The following NCAM1 variants were observed in gnomAD, a reference collection of about 807,000 sequenced individuals.
The protein encoded by NCAM1 is antigen recognized by monoclonal antibody 5.1H11.
NCAM1 carries 14 observed loss-of-function variants against 109.8 expected under a neutral mutation model. The observed-to-expected ratio is 0.13, with a 90% CI of 0.08 to 0.20. The LOEUF (loss-of-function observed/expected upper bound fraction) is 0.20, where lower values mean the gene tolerates loss of function less well. Among genes scored for constraint, NCAM1 ranks in the 10% least tolerant of loss-of-function variants. The pLI is 1.00. For synonymous variants in NCAM1, 418 were observed against 442.9 expected (o/e 0.94, Z 0.70); for missense variants, 774 against 1,109.9 (o/e 0.70, Z 4.30).
intron 17 of NCAM1, chr11:113,265,264 C>A (rs759583542): frequency 3.2e-6 from 2 of 625,490 alleles, no homozygotes; most frequent in Non-Finnish European, 4.0e-6. Context: ...CCTTTCCCTC[C>A]GCCTCTCATG....
At chr11:113,235,252 T>C in intron 14 of NCAM1, 88 bp downstream of exon 14, 1 of 1,609,204 alleles carries the variant, frequency 6.2e-7, no homozygotes, top group Non-Finnish European at 8.5e-7. Flanking sequence ...CATGTCATTG[T>C]TCAGACCACA....
chr11:113,038,091 T>C (rs1952951037), intron 1 of NCAM1, among the ~76,000 whole-genome samples: 1 of 152,168 alleles, frequency 6.6e-6, no homozygotes, highest in African/African-American at 2.4e-5. Flanking sequence ...ATCTTGTCAG[T>C]CCCTCCATCT....
At chr11:113,045,328 G>A (rs1213541201) in intron 1 of NCAM1, among the ~76,000 whole-genome samples, 1 of 144,144 alleles carries the variant, frequency 6.9e-6, no homozygotes, top group African/African-American at 2.5e-5. Context: ...GGATGGATGA[G>A]TCACGGCTGG....
intron 1 of NCAM1, among the ~76,000 whole-genome samples, chr11:113,137,810 A>G (rs893329719): frequency 6.6e-6 from 1 of 152,206 alleles, no homozygotes; most frequent in Non-Finnish European, 1.5e-5. Context: ...TTTTACATAC[A>G]TATATAGACA....
Position 113,232,247 on chromosome 11 carries a change from G to A in NCAM1, c.1318G>A (p.Ala440Thr), listed in dbSNP as rs1945032880. The A allele has an allele frequency of 6.2e-7, 1 of 1,613,776 alleles. No homozygotes were observed. Among genetic ancestry groups the A allele is most frequent in the Non-Finnish European group, 8.5e-7 (1 of 1,179,874 alleles). Residue 440 changes from alanine (A) to threonine (T), a missense_variant, in exon 11 of 20, where the codon GCC (alanine) becomes ACC (threonine). Ala to Thr is a moderately conservative substitution (Grantham distance 58). Coordinates refer to ENST00000316851, the MANE Select transcript of NCAM1 (RefSeq NM_181351.5). Reference protein sequence around the residue: ...NQVNITCEVFAYPSATISWFR... With the variant: ...NQVNITCEVFTYPSATISWFR... ...GGTGAACATCACCTGCGAGGTATTT[G>A]CCTATCCCAGTGCCACGATCTCATG...
chr11:112,969,495 A>G (rs1031957765), intron 1 of NCAM1, among the ~76,000 whole-genome samples: 6 of 152,028 alleles, frequency 3.9e-5, no homozygotes, highest in Non-Finnish European at 8.8e-5. Context: ...AGTGATGGGG[A>G]GGAAGGGCAC....
chr11:113,169,473 A>T (rs992803927), intron 1 of NCAM1, among the ~76,000 whole-genome samples: 1 of 152,188 alleles, frequency 6.6e-6, no homozygotes, highest in Non-Finnish European at 1.5e-5. Flanking sequence ...CACATAGGGG[A>T]AGAGATAATA....
intron 1 of NCAM1, among the ~76,000 whole-genome samples, chr11:113,148,826 G>A (rs181406094): frequency 2.0e-5 from 3 of 152,228 alleles, no homozygotes; most frequent in African/African-American, 7.2e-5. Flanking sequence ...CAAGGCAAGG[G>A]CTCCTCCCCT....
intron 1 of NCAM1, among the ~76,000 whole-genome samples, chr11:113,187,334 C>T (rs936921458): frequency 1.3e-5 from 2 of 152,120 alleles, no homozygotes; most frequent in Non-Finnish European, 2.9e-5. Flanking sequence ...GGCCTTTCCC[C>T]AAGGGTTCAG....
At position 113,009,312 on chromosome 11, in the gene NCAM1, G is replaced by GTTTTTTTGTTGTTGTT. The variant is rs1555073910; in HGVS notation, c.52+47655_52+47656insGTTGTTGTTTTTTTTT. ...GATTTAATTGGAAGGGTTTTTTCGGGTTTTTTTTTTTTTTTTTTTTTTTTT... is the reference window on the plus strand; with the variant it reads ...GATTTAATTGGAAGGGTTTTTTCGGGTTTTTTTGTTGTTGTTTTTTTTTTTTTTTTTTTTTTTTTTT... On this transcript the variant is annotated intron_variant, in intron 1 of 19. Coordinates refer to ENST00000316851, the MANE Select transcript of NCAM1 (RefSeq NM_181351.5). Among the ~76,000 whole-genome samples, 99 of 79,678 alleles carry GTTTTTTTGTTGTTGTT rather than the reference G, an allele frequency of 1.2e-3. 7 individuals carry two copies. Among genetic ancestry groups the GTTTTTTTGTTGTTGTT allele is most frequent in the Middle Eastern group, 7.8e-3 (1 of 128 alleles). The allele number at this position is 79,678 out of a possible 152,430, so 52.3% of individuals were successfully genotyped here. A position where few individuals can be genotyped will look rare whatever the true frequency, so the allele number is the denominator to read the frequency against.
intron 14 of NCAM1, among the ~76,000 whole-genome samples, chr11:113,239,602 T>G (rs1244276633): frequency 7.1e-6 from 1 of 140,986 alleles, no homozygotes; most frequent in African/African-American, 2.6e-5. Context: ...GCCTCCCGGG[T>G]TCACGCCATA....
chr11:112,980,772 T>C (rs1951133517), intron 1 of NCAM1, among the ~76,000 whole-genome samples: 1 of 151,906 alleles, frequency 6.6e-6, no homozygotes, highest in African/African-American at 2.4e-5. Context: ...TTTATTTTAA[T>C]CCTAGCACTT....
At chr11:113,176,715 GT>G (rs1185034114) in intron 1 of NCAM1, among the ~76,000 whole-genome samples, 2 of 151,798 alleles carry the variant, frequency 1.3e-5, no homozygotes, top group Non-Finnish European at 1.5e-5. Flanking sequence ...CTCATTGTTT[GT>G]TTTTTTCTGT....
At chr11:113,148,475 T>C (rs782403665) in intron 1 of NCAM1, among the ~76,000 whole-genome samples, 4 of 152,040 alleles carry the variant, frequency 2.6e-5, no homozygotes, top group Non-Finnish European at 5.9e-5. Context: ...TGGGTCTGAT[T>C]GTAAATTAGT....
chr11:113,267,420 G>A (rs1052846206), intron 17 of NCAM1, among the ~76,000 whole-genome samples: 7 of 151,604 alleles, frequency 4.6e-5, no homozygotes, highest in Non-Finnish European at 1.0e-4. Flanking sequence ...GTATTGGCTG[G>A]AGGTGCCACA....
intron 1 of NCAM1, among the ~76,000 whole-genome samples, chr11:113,079,080 C>T (rs1275589454): frequency 3.9e-5 from 6 of 152,054 alleles, no homozygotes; most frequent in Admixed American, 3.3e-4. Context: ...GGAGGGGCAC[C>T]CGTGGCCTCT....
At chr11:113,235,391 G>A (rs1945135392) in intron 14 of NCAM1, 3 of 920,174 alleles carry the variant, frequency 3.3e-6, no homozygotes, top group Admixed American at 3.4e-5. Context: ...TGTCCTAGTA[G>A]CCGGTCCAGC....
At chr11:113,027,128 T>C (rs1952570263) in intron 1 of NCAM1, among the ~76,000 whole-genome samples, 1 of 152,238 alleles carries the variant, frequency 6.6e-6, no homozygotes, top group Non-Finnish European at 1.5e-5. Context: ...TATGACTCAA[T>C]ATAATTCTCT....
At chr11:113,188,740 CA>C (rs1943588157) in intron 1 of NCAM1, among the ~76,000 whole-genome samples, 1 of 152,166 alleles carries the variant, frequency 6.6e-6, no homozygotes, top group Non-Finnish European at 1.5e-5. Context: ...TGACTTGACA[CA>C]AACCAGTGAC....
Sources: allele counts gnomAD v4.1 joint callset (sites outside exome capture counted in the v4.1 genomes callset), GRCh38; gene constraint gnomAD v4.1.1; transcripts MANE v1.5; gene names NCBI Gene and HGNC (gene_info 2026-07-23, HGNC 2026-07-21).